NSMCE2: variants seen among roughly 807,000 people sequenced by gnomAD.
NSMCE2 encodes NSE2 SUMO ligase component of SMC5/6 complex, also known as E3 SUMO-protein ligase NSE2.
In NSMCE2, 24 loss-of-function variants were observed where a neutral mutation model predicts 23.8. The ratio of observed to expected loss-of-function variants is 1.01; its 90% CI spans 0.73 to 1.42. The LOEUF (loss-of-function observed/expected upper bound fraction) is 1.42. NSMCE2 is among the 40% of genes most tolerant of loss of function. NSMCE2 has a pLI of 0.00. For synonymous variants in NSMCE2, 92 were observed against 94.1 expected, an observed-to-expected ratio of 0.98 and a Z score of 0.13; for missense variants, 284 against 296.5, an observed-to-expected ratio of 0.96 and a Z score of 0.31.
intron 4 of NSMCE2, among the ~76,000 whole-genome samples, chr8:125,167,249 G>A (rs1490214978): frequency 6.6e-6 from 1 of 152,216 alleles, no homozygotes; most frequent in Non-Finnish European, 1.5e-5. Context: ...GTAGAAGAAA[G>A]TTGAGATTCT....
chr8:125,226,913 C>G (rs17310558), intron 5 of NSMCE2, among the ~76,000 whole-genome samples: 10,060 of 151,990 alleles, frequency 0.066, 432 homozygotes, highest in South Asian at 0.15. Context: ...TTCTGGCAAC[C>G]CTCTGCCTCA....
At chr8:125,246,018 C>T (rs1271534123) in intron 5 of NSMCE2, among the ~76,000 whole-genome samples, 3 of 151,778 alleles carry the variant, frequency 2.0e-5, no homozygotes, top group Non-Finnish European at 2.9e-5. Flanking sequence ...AGCAAGACTC[C>T]ATCTCAAAGA....
In NSMCE2 at chr8:125,210,189, G is replaced by C. The variant is rs1230720261; in HGVS notation, c.418+27933G>C. On this transcript the variant is annotated intron_variant, in intron 5 of 7. Transcript: ENST00000287437. ...ATAATAATAGTTTACCCACTTCAAA[G>C]GATTGTTGTGGAGATTCAATGAATT... Among the ~76,000 whole-genome samples, 5 of 152,158 alleles carry C rather than the reference G, an allele frequency of 3.3e-5. No individual in the cohort carries two copies. The East Asian group carries it at 9.6e-4, about 29-fold the overall frequency.
chr8:125,092,692 A>G (rs149720820), intron 1 of NSMCE2, among the ~76,000 whole-genome samples: 281 of 152,344 alleles, frequency 1.8e-3, no homozygotes, highest in African/African-American at 6.6e-3. Flanking sequence ...ATTTAAAGGA[A>G]GTCAACATAT....
chr8:125,311,850 G>A (rs564343348), intron 5 of NSMCE2, among the ~76,000 whole-genome samples: 24 of 152,152 alleles, frequency 1.6e-4, no homozygotes, highest in South Asian at 6.2e-4. Context: ...AGGCCAAGGC[G>A]GGTAGATTAC....
chr8:125,256,353 G>A (rs886834967), intron 5 of NSMCE2, among the ~76,000 whole-genome samples: 12 of 151,904 alleles, frequency 7.9e-5, no homozygotes, highest in Admixed American at 7.2e-4. Context: ...AGATTTCTAA[G>A]TTAGGTGAAA....
intron 5 of NSMCE2, among the ~76,000 whole-genome samples, chr8:125,203,019 C>A (rs1823950995): frequency 6.6e-6 from 1 of 152,104 alleles, no homozygotes; most frequent in Non-Finnish European, 1.5e-5. Context: ...ATGAACCTTC[C>A]TATGCTCTGA....
rs183430522 is a variant in NSMCE2 at position 125,231,814 on chromosome 8, A to G, written c.418+49558A>G. On this transcript the variant is annotated intron_variant, in intron 5 of 7. Transcript: ENST00000287437. ...CATCATCAGGTAGTTATCAGTTTAT[A>G]AATCTGTTCTCTCTACCATGCACCT... Among the ~76,000 whole-genome samples the G allele has an allele frequency of 3.9e-5, 6 of 152,308 alleles. No individual in the cohort carries two copies. In the East Asian group the frequency reaches 5.8e-4, roughly 15 times the overall value.
chr8:125,353,241 A>C (rs1304546839), intron 5 of NSMCE2, among the ~76,000 whole-genome samples: 2 of 152,256 alleles, frequency 1.3e-5, no homozygotes, highest in Non-Finnish European at 2.9e-5. Context: ...GCATCAGTTC[A>C]GAATAAATGG....
At chr8:125,157,658 G>C (rs1821395192) in intron 4 of NSMCE2, among the ~76,000 whole-genome samples, 1 of 152,118 alleles carries the variant, frequency 6.6e-6, no homozygotes, top group East Asian at 1.9e-4. Context: ...AAATAATCTA[G>C]ATATAAAATT....
intron 5 of NSMCE2, among the ~76,000 whole-genome samples, chr8:125,314,858 T>C (rs905502261): frequency 6.6e-6 from 1 of 152,112 alleles, no homozygotes; most frequent in East Asian, 1.9e-4. Context: ...TATGGGGAGA[T>C]GGGCAAAGCA....
chr8:125,139,069 A>G (rs982650352), intron 3 of NSMCE2, among the ~76,000 whole-genome samples: 1 of 152,244 alleles, frequency 6.6e-6, no homozygotes, highest in Non-Finnish European at 1.5e-5. Flanking sequence ...GCGCTGAATC[A>G]GCTCTGTCTT....
intron 3 of NSMCE2, among the ~76,000 whole-genome samples, chr8:125,150,104 G>A (rs1426598375): frequency 6.6e-6 from 1 of 151,806 alleles, no homozygotes; most frequent in African/African-American, 2.4e-5. Flanking sequence ...CTGCCTTATG[G>A]CCAGTTTTTC....
At chr8:125,129,066 C>T (rs1335733092) in intron 3 of NSMCE2, among the ~76,000 whole-genome samples, 1 of 152,044 alleles carries the variant, frequency 6.6e-6, no homozygotes, top group Non-Finnish European at 1.5e-5. Flanking sequence ...GTGGGGATGA[C>T]AAATAAACAG....
chr8:125,342,449 T>C (rs1248903622), intron 5 of NSMCE2, among the ~76,000 whole-genome samples: 70 of 152,058 alleles, frequency 4.6e-4, no homozygotes, highest in Admixed American at 4.6e-3. Flanking sequence ...TGAAGTCATG[T>C]GTCTTCCTTT....
intron 5 of NSMCE2, among the ~76,000 whole-genome samples, chr8:125,328,099 G>A (rs73336855): frequency 0.041 from 6,241 of 150,414 alleles, 403 homozygotes; most frequent in African/African-American, 0.14. Context: ...ATTTTTCCAG[G>A]TTGTATAGTC....
intron 3 of NSMCE2, among the ~76,000 whole-genome samples, chr8:125,123,509 A>G (rs1423444703): frequency 6.6e-6 from 1 of 152,266 alleles, no homozygotes; most frequent in Non-Finnish European, 1.5e-5. Flanking sequence ...TCGAAGGGTT[A>G]AGTGACTTAT....
intron 5 of NSMCE2, among the ~76,000 whole-genome samples, chr8:125,312,207 T>G (rs1829000079): frequency 6.6e-6 from 1 of 152,200 alleles, no homozygotes; most frequent in Non-Finnish European, 1.5e-5. Flanking sequence ...TCTATGCTTT[T>G]CAAAAGATTT....
At chr8:125,364,523 G>T (rs546972178) in intron 7 of NSMCE2, among the ~76,000 whole-genome samples, 1 of 152,342 alleles carries the variant, frequency 6.6e-6, no homozygotes, top group South Asian at 2.1e-4. Flanking sequence ...CTGGGCCAGA[G>T]CTCTGTGTGG....
Sources: allele counts gnomAD v4.1 joint callset (sites outside exome capture counted in the v4.1 genomes callset), GRCh38; gene constraint gnomAD v4.1.1; transcripts MANE v1.5; gene names NCBI Gene and HGNC (gene_info 2026-07-23, HGNC 2026-07-21).